Variants in EFCAB12 observed in about 807,000 individuals in gnomAD.
EFCAB12 encodes the protein EF-hand calcium-binding domain-containing protein 12.
In EFCAB12, 43 loss-of-function variants were observed where a neutral mutation model predicts 53.6. The observed-to-expected ratio is 0.80, with a 90% CI of 0.63 to 1.03. The LOEUF is 1.03. Ranked by LOEUF, EFCAB12 falls within the 50% of genes least tolerant of loss-of-function variation. EFCAB12 has a pLI of 0.00. For missense variants in EFCAB12, 646 were observed against 730.6 expected, an observed-to-expected ratio of 0.88 and a Z score of 1.34; for synonymous variants, 269 against 289.2, an observed-to-expected ratio of 0.93 and a Z score of 0.71.
chr3:129,420,931 G>C (rs1298326221), intron 2 of EFCAB12, among the ~76,000 whole-genome samples: 1 of 152,238 alleles, frequency 6.6e-6, no homozygotes, highest in Non-Finnish European at 1.5e-5. Context: ...CATACTGTGA[G>C]GACACTTAAG....
intron 6 of EFCAB12, among the ~76,000 whole-genome samples, chr3:129,407,910 T>C (rs190437920): frequency 1.3e-5 from 2 of 152,296 alleles, no homozygotes; most frequent in Non-Finnish European, 2.9e-5. Flanking sequence ...TGAGACTCCA[T>C]TTCAAAACAA....
chr3:129,422,518 C>T (rs2072201390), intron 1 of EFCAB12, among the ~76,000 whole-genome samples: 1 of 152,092 alleles, frequency 6.6e-6, no homozygotes, highest in African/African-American at 2.4e-5. Flanking sequence ...GTGGTCCAAG[C>T]CTCATCCTGA....
At chr3:129,410,522 T>C (rs1462062900) in intron 5 of EFCAB12, among the ~76,000 whole-genome samples, 1 of 152,168 alleles carries the variant, frequency 6.6e-6, no homozygotes, top group Non-Finnish European at 1.5e-5. Flanking sequence ...CTCCCTATGT[T>C]GCCTAGGATG....
chr3:129,428,297 A>C (rs991403092), intron 1 of EFCAB12, 143 bp downstream of exon 1: 2 of 1,162,980 alleles, frequency 1.7e-6, no homozygotes, highest in Non-Finnish European at 2.5e-6. Flanking sequence ...AGAAATGTAC[A>C]TGACCTGCCC....
In EFCAB12 at chr3:129,421,596, C is replaced by G; in HGVS notation, c.257G>C (p.Ser86Thr). Reference sequence around the variant, plus strand: ...ATCTCTAGCTTCCAGAACTTTGAAGCTGGGGATGGGCTTTGGGGGAGCCTG... The same window carrying G: ...ATCTCTAGCTTCCAGAACTTTGAAGGTGGGGATGGGCTTTGGGGGAGCCTG... ...QPQAPPKPIP[S>T]FKVLEARDIQ... Residue 86 changes from serine to threonine, a missense_variant, in exon 2 of 9, where the codon AGC (serine) becomes ACC (threonine). By Grantham distance (58) the Ser-to-Thr change is moderately conservative (BLOSUM62 1). Coordinates refer to ENST00000505956, the MANE Select transcript of EFCAB12 (RefSeq NM_207307.3). 1.2e-6 allele frequency: 2 copies of G among 1,613,978 alleles called. No homozygotes were observed. Among genetic ancestry groups the G allele is most frequent in the Non-Finnish European group, 1.7e-6 (2 of 1,179,866 alleles).
chr3:129,414,497 GA>G (rs1168586871), intron 4 of EFCAB12: 1 of 152,228 alleles, frequency 6.6e-6, no homozygotes, highest in Non-Finnish European at 1.5e-5. Flanking sequence ...GTTTCATTTA[GA>G]AAAACAAAGC....
intron 4 of EFCAB12, chr3:129,414,567 G>T (rs998624177): frequency 1.3e-5 from 2 of 152,126 alleles, no homozygotes; most frequent in Non-Finnish European, 2.9e-5. Flanking sequence ...GTTCTTTTTT[G>T]TTTGTTTGTT....
chr3:129,405,718 CA>C (rs1382762429), intron 6 of EFCAB12, among the ~76,000 whole-genome samples: 1 of 152,172 alleles, frequency 6.6e-6, no homozygotes, highest in Non-Finnish European at 1.5e-5. Context: ...GTCTAGAACA[CA>C]GAGCTGGAAG....
chr3:129,415,288 C>A lies in EFCAB12; in HGVS notation c.795G>T (p.Trp265Cys). 6.2e-7 allele frequency: 1 copy of A among 1,612,832 alleles called. No individual in the cohort carries two copies. The highest frequency in any genetic ancestry group is 8.5e-7 in the Non-Finnish European group (1 of 1,179,742). The change falls in exon 4 of 9, where the codon TGG (tryptophan) becomes TGT (cysteine). Residue 265 changes from tryptophan to cysteine, a missense_variant. By Grantham distance (215) the Trp-to-Cys change is radical (BLOSUM62 -2). Transcript: ENST00000505956. ...GGCTGCTCCTTTGCTGAGCCATAGA[C>A]CACTGCTTGTAGGTATTGGCCAGGA... ...MDILANTYKQ[W>C]SMAQQRSSLA...
At chr3:129,404,606 A>T (rs1159730551) in intron 6 of EFCAB12, among the ~76,000 whole-genome samples, 1 of 151,824 alleles carries the variant, frequency 6.6e-6, no homozygotes, top group Non-Finnish European at 1.5e-5. Flanking sequence ...GGGTCCCTTG[A>T]ACCACTGTCC....
intron 1 of EFCAB12, among the ~76,000 whole-genome samples, chr3:129,426,893 G>C (rs1270750100): frequency 1.4e-5 from 2 of 146,894 alleles, no homozygotes; most frequent in African/African-American, 5.1e-5. Context: ...TGTCACCCAG[G>C]CTGGAGTGCA....
chr3:129,408,561 A>G (rs955062541), intron 6 of EFCAB12, 84 bp downstream of exon 6: 2 of 1,415,070 alleles, frequency 1.4e-6, no homozygotes, highest in South Asian at 1.3e-5. Flanking sequence ...GAATGGCTGC[A>G]TGGGTGCCCT....
chr3:129,421,851 G>A (rs1458587321), intron 1 of EFCAB12, 48 bp from the exon 2 acceptor site: 6 of 1,534,430 alleles, frequency 3.9e-6, no homozygotes, highest in Non-Finnish European at 5.3e-6. Flanking sequence ...GAAGAGGACT[G>A]AAAGGAGCCA....
At position 129,411,379 on chromosome 3, in the gene EFCAB12, G is replaced by A. The variant is rs1208172185; in HGVS notation, c.839-25C>T. 3 of 1,542,810 alleles carry A rather than the reference G, an allele frequency of 1.9e-6. No individual in the cohort carries two copies. The African/African-American group carries it at 4.1e-5, about 21-fold the overall frequency. ...TCTGGAGTCAGAGGGAAGAGATGAA[G>A]GAAGGAGGGACTAAGAGGGTGCCCA... On this transcript the variant is annotated intron_variant, in intron 4 of 8. Transcript: ENST00000505956.
chr3:129,419,645 G>A (rs558269772), intron 2 of EFCAB12, among the ~76,000 whole-genome samples: 31 of 152,302 alleles, frequency 2.0e-4, no homozygotes, highest in Admixed American at 1.8e-3. Flanking sequence ...GCAGCACGAG[G>A]CCCTCCCTAG....
intron 5 of EFCAB12, 126 bp from the exon 6 acceptor site, chr3:129,408,984 C>A: frequency 9.7e-7 from 1 of 1,028,370 alleles, no homozygotes; most frequent in Non-Finnish European, 1.4e-6. Flanking sequence ...GTGATGGCAA[C>A]CAACGTCCAG....
At chr3:129,405,276 A>C (rs1324560758) in intron 6 of EFCAB12, among the ~76,000 whole-genome samples, 5 of 152,216 alleles carry the variant, frequency 3.3e-5, no homozygotes. Context: ...CTGGTAACAC[A>C]TGAAAGCTCA....
chr3:129,420,087 C>T (rs1300814892), intron 2 of EFCAB12, among the ~76,000 whole-genome samples: 1 of 152,234 alleles, frequency 6.6e-6, no homozygotes, highest in Non-Finnish European at 1.5e-5. Flanking sequence ...AGACACTATG[C>T]TGCTGGCAGA....
chr3:129,407,302 C>T (rs369186833), intron 6 of EFCAB12, among the ~76,000 whole-genome samples: 8 of 152,154 alleles, frequency 5.3e-5, no homozygotes, highest in East Asian at 3.9e-4. Context: ...GTGGAAGCCG[C>T]GCAGTCCACA....
Sources: allele counts gnomAD v4.1 joint callset (sites outside exome capture counted in the v4.1 genomes callset), GRCh38; gene constraint gnomAD v4.1.1; transcripts MANE v1.5; gene names NCBI Gene and HGNC (gene_info 2026-07-23, HGNC 2026-07-21).